The following PARD3B variants were observed in gnomAD, a reference collection of about 807,000 sequenced individuals.
The protein encoded by PARD3B is partitioning defective 3 homolog B.
In PARD3B, 103 loss-of-function variants were observed where a neutral mutation model predicts 130.2. The observed-to-expected ratio is 0.79, with a 90% CI of 0.67 to 0.93. The LOEUF (loss-of-function observed/expected upper bound fraction) is 0.93. Among genes scored for constraint, PARD3B ranks in the 40% least tolerant of loss-of-function variants. PARD3B has a pLI of 0.00. For synonymous variants in PARD3B, 583 were observed against 553.2 expected (o/e 1.05, Z -0.76); for missense variants, 1,609 against 1,499.2 (o/e 1.07, Z -1.21).
intron 18 of PARD3B, among the ~76,000 whole-genome samples, chr2:205,345,688 A>G (rs2043727602): frequency 6.6e-6 from 1 of 151,200 alleles, no homozygotes; most frequent in Non-Finnish European, 1.5e-5. Context: ...ACTGAGCATA[A>G]GAGAAAGTGA....
At chr2:205,526,174 ATC>A (rs1408109821) in intron 21 of PARD3B, among the ~76,000 whole-genome samples, 1 of 152,166 alleles carries the variant, frequency 6.6e-6, no homozygotes, top group Non-Finnish European at 1.5e-5. Context: ...GTTTGTCCTA[ATC>A]TCTTTCTTCT....
chr2:205,192,750 C>T (rs933808033), intron 14 of PARD3B, among the ~76,000 whole-genome samples: 1 of 152,182 alleles, frequency 6.6e-6, no homozygotes, highest in Non-Finnish European at 1.5e-5. Context: ...CTACAGGCAT[C>T]AGTCATTCAA....
chr2:204,919,473 G>T (rs10197163), intron 2 of PARD3B, among the ~76,000 whole-genome samples: 40,700 of 152,042 alleles, frequency 0.27, 6,206 homozygotes, highest in Middle Eastern at 0.35. Context: ...TTTGCCTTGT[G>T]TAGAACTTCA....
At chr2:205,249,006 G>GT (rs10707308) in intron 16 of PARD3B, among the ~76,000 whole-genome samples, 12,161 of 95,102 alleles carry the variant, frequency 0.13, 1,157 homozygotes, top group African/African-American at 0.2. Context: ...TAAAATAAGA[G>GT]TTTTTTTTTT....
At chr2:205,364,312 C>T (rs1292425468) in intron 18 of PARD3B, among the ~76,000 whole-genome samples, 1 of 152,182 alleles carries the variant, frequency 6.6e-6, no homozygotes, top group Non-Finnish European at 1.5e-5. Flanking sequence ...GATTCTCCTC[C>T]TCTTTTTTGT....
chr2:204,647,428 T>C (rs1216782954), intron 1 of PARD3B, among the ~76,000 whole-genome samples: 1 of 151,870 alleles, frequency 6.6e-6, no homozygotes, highest in Non-Finnish European at 1.5e-5. Flanking sequence ...TCTAAATTTC[T>C]CAATTTTTTT....
chr2:205,499,929 C>A lies in PARD3B; in HGVS notation c.3078C>A (p.Ile1026=). The A allele has an allele frequency of 1.9e-6, 3 of 1,613,706 alleles. No individual in the cohort carries two copies. Among genetic ancestry groups the A allele is most frequent in the Non-Finnish European group, 2.5e-6 (3 of 1,179,698 alleles). The stretch of plus-strand genomic sequence containing the variant: ...CTACGGGTGGAAGCACTGACCGTAT[C>A]CAGAAGTTGCGGAAAGAGTATTATC... The part of the protein sequence containing the change: ...GRPTGGSTDR[I]QKLRKEYYQA... Residue 1026 remains isoleucine, a synonymous_variant, in exon 21 of 23, where the codon ATC becomes ATA. Transcript: ENST00000406610.
intron 2 of PARD3B, among the ~76,000 whole-genome samples, chr2:204,964,257 C>T (rs11894192): frequency 0.014 from 2,158 of 152,264 alleles, 52 homozygotes; most frequent in African/African-American, 0.049. Context: ...ATGAGAAACC[C>T]TTGAAGTTTC....
intron 2 of PARD3B, among the ~76,000 whole-genome samples, chr2:204,935,487 C>T (rs1274264630): frequency 2.6e-5 from 4 of 151,486 alleles, no homozygotes; most frequent in Non-Finnish European, 4.4e-5. Flanking sequence ...TGCAGTGAGC[C>T]AAGATGGCGC....
At chr2:204,833,666 G>A (rs1442095748) in intron 2 of PARD3B, among the ~76,000 whole-genome samples, 1 of 151,996 alleles carries the variant, frequency 6.6e-6, no homozygotes. Flanking sequence ...CACAAGTTCT[G>A]TCTCGTCTGC....
chr2:204,643,579 A>G (rs1172507873), intron 1 of PARD3B, among the ~76,000 whole-genome samples: 1 of 152,112 alleles, frequency 6.6e-6, no homozygotes, highest in Non-Finnish European at 1.5e-5. Context: ...CAGATTCGTA[A>G]ACTGTCTTAA....
intron 16 of PARD3B, among the ~76,000 whole-genome samples, chr2:205,256,259 T>C (rs2105743020): frequency 6.6e-6 from 1 of 152,218 alleles, no homozygotes; most frequent in South Asian, 2.1e-4. Context: ...TCCAGCTTTT[T>C]TTCATACAGG....
At position 205,460,019 on chromosome 2, in the gene PARD3B, A is replaced by T. The variant is rs1445865599; in HGVS notation, c.3044+19347A>T. Reference sequence around the variant, plus strand: ...TGAAAACTGAGAAATGCCGAGAAAGACAGGCAGAACTAGATCTAAGTGTTT... The same window carrying T: ...TGAAAACTGAGAAATGCCGAGAAAGTCAGGCAGAACTAGATCTAAGTGTTT... On this transcript the variant is annotated intron_variant, in intron 20 of 22. Coordinates refer to ENST00000406610, the MANE Select transcript of PARD3B (RefSeq NM_001302769.2). The surrounding 1 kb of genome is among the most constrained non-coding windows in gnomAD (Gnocchi z 4.9). 6.6e-6 allele frequency among the ~76,000 whole-genome samples: 1 copy of T among 152,172 alleles called. No homozygotes were observed. The highest frequency in any genetic ancestry group is 1.5e-5 in the Non-Finnish European group (1 of 68,046).
intron 16 of PARD3B, among the ~76,000 whole-genome samples, chr2:205,284,158 T>A (rs1048392817): frequency 6.6e-6 from 1 of 152,150 alleles, no homozygotes; most frequent in East Asian, 1.9e-4. Context: ...GGGAAAAAAA[T>A]TATTTCACCA....
chr2:204,738,910 C>G (rs941421134), intron 2 of PARD3B, among the ~76,000 whole-genome samples: 2 of 152,178 alleles, frequency 1.3e-5, no homozygotes, highest in African/African-American at 4.8e-5. Flanking sequence ...TTAAGGCCAA[C>G]TGTATCATAT....
At chr2:204,570,862 T>C (rs1426596031) in intron 1 of PARD3B, among the ~76,000 whole-genome samples, 1 of 149,206 alleles carries the variant, frequency 6.7e-6, no homozygotes, top group African/African-American at 2.5e-5. Context: ...TATAAGCTGT[T>C]GTAACTGAGG....
chr2:204,811,076 A>G (rs989319239), intron 2 of PARD3B, among the ~76,000 whole-genome samples: 1 of 152,124 alleles, frequency 6.6e-6, no homozygotes, highest in East Asian at 1.9e-4. Context: ...CATCTCTTCT[A>G]GGTTTTCTAG....
At chr2:204,578,968 G>A (rs2032407460) in intron 1 of PARD3B, among the ~76,000 whole-genome samples, 1 of 151,996 alleles carries the variant, frequency 6.6e-6, no homozygotes, top group African/African-American at 2.4e-5. Flanking sequence ...TGTACTGAGG[G>A]GAACCAGGAG....
chr2:204,565,237 A>G (rs1363392567), intron 1 of PARD3B, among the ~76,000 whole-genome samples: 3 of 152,226 alleles, frequency 2.0e-5, no homozygotes, highest in African/African-American at 7.2e-5. Context: ...TTATCCAGCC[A>G]GCAAGGAGTC....
Sources: gnomAD v4.1 joint callset for allele counts (sites outside exome capture counted in the v4.1 genomes callset) on GRCh38, gnomAD v4.1.1 for gene constraint, Gnocchi (gnomAD v3.1) non-coding constraint, MANE v1.5 for transcripts, NCBI Gene and HGNC (gene_info 2026-07-23, HGNC 2026-07-21) for gene names.